The following IFRD1 variants were observed in gnomAD, a reference collection of about 807,000 sequenced individuals.
IFRD1 encodes the protein interferon related developmental regulator 1, also known as interferon-related developmental regulator 1.
Under a neutral mutation model 52.9 loss-of-function variants are expected in IFRD1, and 35 were observed. That is an observed-to-expected ratio of 0.66 (90% confidence interval 0.51 to 0.88). The LOEUF (loss-of-function observed/expected upper bound fraction) is 0.88. Among genes scored for constraint, IFRD1 ranks in the 40% least tolerant of loss-of-function variants. IFRD1 has a pLI of 0.00. For missense variants in IFRD1, 517 were observed against 550.8 expected (o/e 0.94, Z 0.61); for synonymous variants, 184 against 188.4 (o/e 0.98, Z 0.19).
In IFRD1 at chr7:112,425,341, G is replaced by C. The variant is rs191788509; in HGVS notation, c.-182+1909G>C. 2.5e-4 allele frequency among the ~76,000 whole-genome samples: 38 copies of C among 152,296 alleles called. No individual in the cohort carries two copies. In the East Asian group the frequency reaches 3.5e-3, roughly 14 times the overall value. The stretch of plus-strand genomic sequence containing the variant: ...GAGATTATTGATTTGGGAGTCAGTG[G>C]ACTGAATGAGGAAGATCTGCCCTCA... On this transcript the variant is annotated intron_variant, in intron 1 of 12. Coordinates refer to the IFRD1 transcript ENST00000005558.
At chr7:112,441,012 C>T (rs1357243296) in intron 1 of IFRD1, among the ~76,000 whole-genome samples, 1 of 152,144 alleles carries the variant, frequency 6.6e-6, no homozygotes, top group Non-Finnish European at 1.5e-5. Context: ...TGGCTCACAC[C>T]TGTAATCCCA....
At chr7:112,449,253 G>A (rs140591727), upstream of IFRD1, among the ~76,000 whole-genome samples, 1 of 152,244 alleles carries the variant, frequency 6.6e-6, no homozygotes, top group East Asian at 1.9e-4. Context: ...AAAACTAATT[G>A]CTTTGCGGGT....
chr7:112,427,673 T>C (rs1055806590), intron 1 of IFRD1, among the ~76,000 whole-genome samples: 17 of 152,228 alleles, frequency 1.1e-4, no homozygotes, highest in Non-Finnish European at 2.2e-4. Flanking sequence ...CTTTTCTTTC[T>C]CCTACTCACA....
At chr7:112,464,374 C>A (rs1303285726) in intron 8 of IFRD1, among the ~76,000 whole-genome samples, 1 of 136,736 alleles carries the variant, frequency 7.3e-6, no homozygotes, top group South Asian at 2.6e-4. Context: ...AATTATTACT[C>A]CTTTATGAGA....
chr7:112,439,563 A>T (rs915952183), intron 1 of IFRD1, among the ~76,000 whole-genome samples: 1 of 152,148 alleles, frequency 6.6e-6, no homozygotes, highest in African/African-American at 2.4e-5. Context: ...CAGTGACTCA[A>T]AAACCTCATC....
chr7:112,445,365 C>CGGCCT (rs1262662111), intron 1 of IFRD1, among the ~76,000 whole-genome samples: 1 of 151,798 alleles, frequency 6.6e-6, no homozygotes, highest in Non-Finnish European at 1.5e-5. Flanking sequence ...CCCGCCCGGC[C>CGGCCT]GGCCTAGGCT....
intron 1 of IFRD1, among the ~76,000 whole-genome samples, chr7:112,431,694 G>T (rs554119443): frequency 1.5e-4 from 23 of 152,288 alleles, no homozygotes; most frequent in African/African-American, 5.5e-4. Flanking sequence ...GGTCATAGGG[G>T]TTACTCTCTC....
At chr7:112,427,778 C>T (rs1794458807) in intron 1 of IFRD1, among the ~76,000 whole-genome samples, 1 of 152,194 alleles carries the variant, frequency 6.6e-6, no homozygotes, top group Admixed American at 6.5e-5. Flanking sequence ...AATTTGTTCA[C>T]TCATTCAAAA....
At chr7:112,436,171 C>T (rs556583049) in intron 1 of IFRD1, among the ~76,000 whole-genome samples, 8 of 152,182 alleles carry the variant, frequency 5.3e-5, no homozygotes, top group East Asian at 3.9e-4. Flanking sequence ...CGTGAGCCAC[C>T]GTGCCAGTCC....
At chr7:112,433,734 G>A (rs140409154) in intron 1 of IFRD1, among the ~76,000 whole-genome samples, 88 of 152,364 alleles carry the variant, frequency 5.8e-4, no homozygotes, top group African/African-American at 2.1e-3. Flanking sequence ...ACAGCTTGGA[G>A]GTTAGAAGCA....
chr7:112,435,876 CTTT>C (rs61293743), intron 1 of IFRD1, among the ~76,000 whole-genome samples: 1 of 141,866 alleles, frequency 7.0e-6, no homozygotes. Flanking sequence ...TTTTTTCTCT[CTTT>C]TTTTTTTTTG....
At chr7:112,469,171 A>G (rs1795685959) in intron 9 of IFRD1, among the ~76,000 whole-genome samples, 1 of 152,214 alleles carries the variant, frequency 6.6e-6, no homozygotes, top group South Asian at 2.1e-4. Context: ...TCAAAATGTC[A>G]TTCAACTTGA....
At chr7:112,453,649 A>C (rs1795219124) in intron 1 of IFRD1, among the ~76,000 whole-genome samples, 1 of 152,176 alleles carries the variant, frequency 6.6e-6, no homozygotes, top group African/African-American at 2.4e-5. Flanking sequence ...AGTCATAAAA[A>C]CGAGGAAGAT....
At chr7:112,472,163 A>G in intron 9 of IFRD1, 56 bp from the exon 10 acceptor site, 2 of 1,586,386 alleles carry the variant, frequency 1.3e-6, no homozygotes, top group Admixed American at 1.7e-5. Context: ...TGTTTACATA[A>G]GATCCCTCTG....
chr7:112,449,793 C>G (rs1036085079), upstream of IFRD1, among the ~76,000 whole-genome samples: 5 of 130,572 alleles, frequency 3.8e-5, no homozygotes, highest in Non-Finnish European at 6.2e-5. Context: ...TACACGAACT[C>G]CACAACTAAG....
chr7:112,438,288 T>C (rs1353114632), intron 1 of IFRD1, among the ~76,000 whole-genome samples: 1 of 151,990 alleles, frequency 6.6e-6, no homozygotes, highest in Non-Finnish European at 1.5e-5. Context: ...AGAAAGAAAA[T>C]AGTGAAGCTG....
chr7:112,457,066 C>T (rs6968084), intron 4 of IFRD1, 28 bp downstream of exon 4: 244,101 of 1,606,626 alleles, frequency 0.15, 20,669 homozygotes, highest in South Asian at 0.3. Context: ...GAGTCACAGA[C>T]GTACAACTAA....
chr7:112,472,150 T>C (rs541620251), intron 9 of IFRD1, 69 bp from the exon 10 acceptor site: 2 of 1,496,550 alleles, frequency 1.3e-6, no homozygotes, highest in East Asian at 2.3e-5. Flanking sequence ...TGTTTAGAAA[T>C]TGTGTTTACA....
Position 112,475,839 on chromosome 7 carries a change from A to T in IFRD1, c.*320A>T. 1 of 280,812 alleles carries T rather than the reference A, an allele frequency of 3.6e-6. No homozygotes were observed. Among genetic ancestry groups the T allele is most frequent in the South Asian group, 4.2e-5 (1 of 23,680 alleles). The allele number at this position is 280,812 out of a possible 1,614,324, so 17.4% of individuals were successfully genotyped here. On this transcript the variant is annotated 3_prime_UTR_variant, in exon 12 of 12. Transcript: ENST00000403825. The stretch of plus-strand genomic sequence containing the variant: ...TTCTTACACTGTGGTTGTCAAGAAT[A>T]CTGATTTACTATAATGATATATACA...
Sources: gnomAD v4.1 joint callset for allele counts (sites outside exome capture counted in the v4.1 genomes callset) on GRCh38, gnomAD v4.1.1 for gene constraint, MANE v1.5 for transcripts, NCBI Gene and HGNC (gene_info 2026-07-23, HGNC 2026-07-21) for gene names.